The following LDB2 variants were observed in gnomAD, a reference collection of about 807,000 sequenced individuals.
The protein encoded by LDB2 is LIM domain binding 2, also known as LIM domain-binding protein 2.
Under a neutral mutation model 44.3 loss-of-function variants are expected in LDB2, and 12 were observed. That is an observed-to-expected ratio of 0.27 (90% CI 0.17 to 0.44). The LOEUF (loss-of-function observed/expected upper bound fraction) is 0.44. Ranked by LOEUF, LDB2 falls within the 20% of genes least tolerant of loss-of-function variation. The pLI, the probability that LDB2 is intolerant of heterozygous loss-of-function variation, is 1.00. For synonymous variants in LDB2, 164 were observed against 174.8 expected, an observed-to-expected ratio of 0.94 and a Z score of 0.49; for missense variants, 344 against 473.5, an observed-to-expected ratio of 0.73 and a Z score of 2.54.
chr4:16,524,690 G>A (rs148080850), intron 5 of LDB2, among the ~76,000 whole-genome samples: 220 of 152,278 alleles, frequency 1.4e-3, no homozygotes, highest in African/African-American at 5.1e-3. Flanking sequence ...TGCCATTAGG[G>A]TTTACATTAA....
rs1406019000 is a variant in LDB2, at chr4:16,582,507, CAG to C, written c.615+3413_615+3414del. Among the ~76,000 whole-genome samples the C allele has an allele frequency of 6.6e-6, 1 of 152,200 alleles. No individual in the cohort carries two copies. Among genetic ancestry groups the C allele is most frequent in the Admixed American group, 6.5e-5 (1 of 15,292 alleles). ...CATTCTAGTGCTCAAGTTCCAGCAC[CAG>C]AGAGTGCTGCTTACTGAAAGGTGCC... On this transcript the variant is annotated intron_variant, in intron 5 of 7. Coordinates refer to ENST00000304523, the MANE Select transcript of LDB2 (RefSeq NM_001290.5). The surrounding 1 kb of genome is among the most constrained non-coding windows in gnomAD (Gnocchi z 4.8).
At chr4:16,826,118 A>T (rs922701443) in intron 1 of LDB2, among the ~76,000 whole-genome samples, 1 of 149,452 alleles carries the variant, frequency 6.7e-6, no homozygotes, top group African/African-American at 2.4e-5. Flanking sequence ...TAATCTATCT[A>T]ATATGTAGAT....
intron 2 of LDB2, among the ~76,000 whole-genome samples, chr4:16,605,436 G>C (rs551564079): frequency 2.0e-5 from 3 of 152,060 alleles, no homozygotes; most frequent in Admixed American, 2.0e-4. Flanking sequence ...ATTATAATTA[G>C]TTTTTAAGTC....
At chr4:16,732,654 G>C (rs369125529) in intron 2 of LDB2, among the ~76,000 whole-genome samples, 18 of 152,180 alleles carry the variant, frequency 1.2e-4, no homozygotes, top group East Asian at 3.9e-4. Context: ...TGGAAAACGA[G>C]AGAAACTGCC....
intron 2 of LDB2, among the ~76,000 whole-genome samples, chr4:16,726,903 T>C (rs1759602189): frequency 6.6e-6 from 1 of 152,210 alleles, no homozygotes; most frequent in Non-Finnish European, 1.5e-5. Context: ...ACACTAACAG[T>C]AAGAAATCTG....
At chr4:16,863,955 T>C (rs994864793) in intron 1 of LDB2, among the ~76,000 whole-genome samples, 3 of 152,070 alleles carry the variant, frequency 2.0e-5, no homozygotes, top group South Asian at 2.1e-4. Flanking sequence ...CCACCGCGCC[T>C]GGCACATTCT....
intron 1 of LDB2, among the ~76,000 whole-genome samples, chr4:16,815,205 C>T (rs933327618): frequency 6.6e-6 from 1 of 152,174 alleles, no homozygotes; most frequent in African/African-American, 2.4e-5. Flanking sequence ...GGATTTAGAA[C>T]CAGGTTTTCC....
chr4:16,895,120 T>TAAAAAAA (rs71181199), intron 1 of LDB2, among the ~76,000 whole-genome samples: 2 of 124,666 alleles, frequency 1.6e-5, no homozygotes, highest in African/African-American at 6.2e-5. Context: ...TTTTTCATGC[T>TAAAAAAA]AAAAAAAAAA....
At chr4:16,541,499 G>T (rs1437244705) in intron 5 of LDB2, among the ~76,000 whole-genome samples, 1 of 152,176 alleles carries the variant, frequency 6.6e-6, no homozygotes, top group Non-Finnish European at 1.5e-5. Flanking sequence ...CCAGTGTCAG[G>T]TATTTCTTAA....
chr4:16,759,777 G>A (rs1767495547), intron 1 of LDB2, among the ~76,000 whole-genome samples: 1 of 152,176 alleles, frequency 6.6e-6, no homozygotes, highest in East Asian at 1.9e-4. Context: ...TGGATAGATT[G>A]ATAGAGAAGT....
intron 5 of LDB2, among the ~76,000 whole-genome samples, chr4:16,547,341 C>T (rs1422878365): frequency 6.6e-6 from 1 of 152,100 alleles, no homozygotes; most frequent in African/African-American, 2.4e-5. Context: ...CTTTTGGCCT[C>T]CAGAACTTTG....
At chr4:16,683,950 C>A (rs1748580267) in intron 2 of LDB2, among the ~76,000 whole-genome samples, 1 of 152,260 alleles carries the variant, frequency 6.6e-6, no homozygotes, top group African/African-American at 2.4e-5. Flanking sequence ...AGCTGGAAAG[C>A]AACACACATC....
At chr4:16,769,989 A>T (rs891115626) in intron 1 of LDB2, among the ~76,000 whole-genome samples, 8 of 152,248 alleles carry the variant, frequency 5.3e-5, no homozygotes, top group African/African-American at 1.9e-4. Flanking sequence ...TGAGAAATTC[A>T]TGTATTTGAA....
intron 2 of LDB2, among the ~76,000 whole-genome samples, chr4:16,754,665 G>A (rs1766150514): frequency 6.6e-6 from 1 of 152,004 alleles, no homozygotes; most frequent in African/African-American, 2.4e-5. Flanking sequence ...CCAAGTGGCT[G>A]GGACTACAGA....
chr4:16,772,959 G>A (rs975418614), intron 1 of LDB2, among the ~76,000 whole-genome samples: 19 of 152,238 alleles, frequency 1.2e-4, no homozygotes, highest in Non-Finnish European at 5.9e-5. Context: ...AAGCCTGTGT[G>A]GAAAATAAGT....
chr4:16,679,667 G>T (rs1332913551), intron 2 of LDB2, among the ~76,000 whole-genome samples: 1 of 152,172 alleles, frequency 6.6e-6, no homozygotes, highest in African/African-American at 2.4e-5. Flanking sequence ...GATGGGCACT[G>T]AGAGTGGCCA....
intron 1 of LDB2, among the ~76,000 whole-genome samples, chr4:16,887,652 G>A (rs147275985): frequency 3.3e-5 from 5 of 151,732 alleles, no homozygotes; most frequent in East Asian, 3.9e-4. Flanking sequence ...AATGACCTAC[G>A]TTGGGAAGAG....
At chr4:16,818,505 T>C (rs1781353049) in intron 1 of LDB2, among the ~76,000 whole-genome samples, 1 of 152,226 alleles carries the variant, frequency 6.6e-6, no homozygotes, top group South Asian at 2.1e-4. Flanking sequence ...TTTGAATTTG[T>C]TGATCATTTG....
intron 2 of LDB2, among the ~76,000 whole-genome samples, chr4:16,705,975 G>C (rs1423721246): frequency 9.2e-5 from 14 of 151,756 alleles, no homozygotes; most frequent in Non-Finnish European, 5.9e-5. Context: ...TTTTTTAAGT[G>C]AACAAAATAA....
Sources: allele counts gnomAD v4.1 joint callset (sites outside exome capture counted in the v4.1 genomes callset), GRCh38; gene constraint gnomAD v4.1.1; non-coding constraint Gnocchi (gnomAD v3.1); transcripts MANE v1.5; gene names NCBI Gene and HGNC (gene_info 2026-07-23, HGNC 2026-07-21).